Variants in NDST3 observed in about 807,000 individuals in gnomAD.
NDST3 encodes the protein N-deacetylase and N-sulfotransferase 3.
Under a neutral mutation model 96.1 loss-of-function variants are expected in NDST3, and 58 were observed. That is an observed-to-expected ratio of 0.60 (90% CI 0.49 to 0.75). The LOEUF (loss-of-function observed/expected upper bound fraction) is 0.75. Among genes scored for constraint, NDST3 ranks in the 30% least tolerant of loss-of-function variants. The pLI is 0.00. For synonymous variants in NDST3, 333 were observed against 359.7 expected, an observed-to-expected ratio of 0.93 and a Z score of 0.84; for missense variants, 788 against 1,034.2, an observed-to-expected ratio of 0.76 and a Z score of 3.27.
intron 6 of NDST3, among the ~76,000 whole-genome samples, chr4:118,219,159 G>A (rs1166469362): frequency 6.6e-6 from 1 of 152,076 alleles, no homozygotes; most frequent in Non-Finnish European, 1.5e-5. Context: ...AACTACTATT[G>A]ACATTCTTCA....
At chr4:118,250,347 T>C (rs373072282) in intron 12 of NDST3, among the ~76,000 whole-genome samples, 1 of 152,374 alleles carries the variant, frequency 6.6e-6, no homozygotes, top group South Asian at 2.1e-4. Context: ...ATTTTTAAAA[T>C]CAGTCATTCT....
intron 4 of NDST3, among the ~76,000 whole-genome samples, chr4:118,136,764 C>G (rs767856478): frequency 6.6e-6 from 1 of 151,804 alleles, no homozygotes; most frequent in Non-Finnish European, 1.5e-5. Context: ...ACAGAGTTTA[C>G]GAGATAAGAA....
Position 118,238,011 on chromosome 4 carries a change from C to T in NDST3, c.2118+791C>T, listed in dbSNP as rs569491489. ...AGGCATGGTGGCACACATATGTGGT[C>T]CCAGCTACTTGGAAGGCTAAAGTGG... On this transcript the variant is annotated intron_variant, in intron 10 of 13. Transcript: ENST00000296499. 9.2e-5 allele frequency among the ~76,000 whole-genome samples: 14 copies of T among 151,764 alleles called. No individual in the cohort carries two copies. In the South Asian group the frequency reaches 2.9e-3, roughly 32 times the overall value.
chr4:118,066,360 G>T (rs1455696994), intron 2 of NDST3, among the ~76,000 whole-genome samples: 2 of 45,048 alleles, frequency 4.4e-5, no homozygotes, highest in African/African-American at 1.4e-4. Flanking sequence ...TATATCATAT[G>T]TTATATATTA....
At position 118,255,932 on chromosome 4, in the gene NDST3, T is replaced by C. The variant is rs767880279; in HGVS notation, c.*220T>C. On this transcript the variant is annotated 3_prime_UTR_variant, in exon 14 of 14. Transcript: ENST00000296499. The stretch of plus-strand genomic sequence containing the variant: ...TTCTCTTAACCCATATCTGAGCCTG[T>C]GGGATTATTGTAGACTACTGTGCAC... 9 of 391,534 alleles carry C rather than the reference T, an allele frequency of 2.3e-5. No homozygotes were observed. Among genetic ancestry groups the C allele is most frequent in the Non-Finnish European group, 4.1e-5 (9 of 221,344 alleles). 24.3% of individuals were successfully genotyped at this position (391,534 alleles called of 1,614,324 possible).
intron 1 of NDST3, among the ~76,000 whole-genome samples, chr4:118,041,251 C>T (rs76798154): frequency 0.016 from 2,452 of 152,186 alleles, 57 homozygotes; most frequent in African/African-American, 0.055. Context: ...TATTTCAGTT[C>T]TACCTCTACT....
rs17049570 is a variant in NDST3, at chr4:118,078,072, G to A, written c.981+23181G>A. On this transcript the variant is annotated intron_variant, in intron 2 of 13. Coordinates refer to ENST00000296499, the MANE Select transcript of NDST3 (RefSeq NM_004784.3). The stretch of plus-strand genomic sequence containing the variant: ...GAGCGGGCATGGAGGAGAGCCAGGG[G>A]ATTTTTTCATTCCCAGTCTTGCACA... Among the ~76,000 whole-genome samples the A allele has an allele frequency of 6.6e-3, 1,011 of 152,274 alleles. 8 individuals carry two copies. Among genetic ancestry groups the A allele is most frequent in the African/African-American group, 0.023 (970 of 41,568 alleles).
chr4:118,158,631 G>A (rs182125781), intron 6 of NDST3, among the ~76,000 whole-genome samples: 1 of 152,230 alleles, frequency 6.6e-6, no homozygotes, highest in Admixed American at 6.5e-5. Flanking sequence ...CAGCCTTAAG[G>A]TTTAATTCCA....
chr4:118,093,951 G>T (rs545944806), intron 2 of NDST3, among the ~76,000 whole-genome samples: 1 of 151,820 alleles, frequency 6.6e-6, no homozygotes, highest in South Asian at 2.1e-4. Context: ...TCCTCCAGAG[G>T]GGACAAACAC....
At chr4:118,175,714 G>C (rs544094232) in intron 6 of NDST3, among the ~76,000 whole-genome samples, 4 of 152,180 alleles carry the variant, frequency 2.6e-5, no homozygotes, top group African/African-American at 9.6e-5. Context: ...TGTGTGGTTT[G>C]CCTCTGCCTG....
At chr4:118,126,509 T>C (rs979172518) in intron 4 of NDST3, among the ~76,000 whole-genome samples, 3 of 61,242 alleles carry the variant, frequency 4.9e-5, no homozygotes, top group African/African-American at 7.1e-5. Context: ...TGTGTGTATG[T>C]ATGTGTATAT....
At chr4:118,111,759 T>G (rs963929949) in intron 3 of NDST3, among the ~76,000 whole-genome samples, 1 of 152,104 alleles carries the variant, frequency 6.6e-6, no homozygotes, top group Non-Finnish European at 1.5e-5. Context: ...TGAACTGAGA[T>G]AAATATGTCA....
At position 118,054,409 on chromosome 4, in the gene NDST3, A is replaced by G; in HGVS notation, c.499A>G (p.Thr167Ala). Residue 167 changes from threonine (T) to alanine (A), a missense_variant, in exon 2 of 14, where the codon ACT (threonine) becomes GCT (alanine). Thr to Ala is a moderately conservative substitution (Grantham distance 58). This residue lies in a region of NDST3 where 234 missense variants were observed against 256.9 expected (regional missense o/e 0.91). Transcript: ENST00000296499. ...YGVGVIGFHKTSEKSVQSFQL... is the reference protein window; with the variant it reads ...YGVGVIGFHKASEKSVQSFQL... ...TGTGGGTGTCATTGGATTCCACAAA[A>G]CTAGTGAGAAGAGTGTACAGAGCTT... 1 of 1,613,104 alleles carries G rather than the reference A, an allele frequency of 6.2e-7. No homozygotes were observed. Among genetic ancestry groups the G allele is most frequent in the Non-Finnish European group, 8.5e-7 (1 of 1,179,428 alleles).
intron 6 of NDST3, among the ~76,000 whole-genome samples, chr4:118,210,487 A>T (rs1005336266): frequency 1.3e-5 from 2 of 152,134 alleles, no homozygotes; most frequent in African/African-American, 2.4e-5. Flanking sequence ...TTTAAAAGGG[A>T]CCCTGCTGGG....
rs1291517301 is a variant in NDST3 at position 118,054,670 on chromosome 4, T to C, written c.760T>C (p.Tyr254His). The part of the protein sequence containing the change: ...LSPSISKGAF[Y>H]ATIIHDLGLH... ...TCCTTCCATCTCTAAAGGTGCTTTT[T>C]ATGCCACTATTATACATGACCTGGG... The change falls in exon 2 of 14, where the codon TAT (tyrosine) becomes CAT (histidine). Residue 254 changes from tyrosine to histidine, a missense_variant. Coordinates refer to ENST00000296499, the MANE Select transcript of NDST3 (RefSeq NM_004784.3). The C allele has an allele frequency of 6.2e-7, 1 of 1,613,350 alleles. No homozygotes were observed. The highest frequency in any genetic ancestry group is 8.5e-7 in the Non-Finnish European group (1 of 1,179,488).
At chr4:118,194,619 T>C (rs1398691362) in intron 6 of NDST3, 1 of 714,562 alleles carries the variant, frequency 1.4e-6, no homozygotes, top group Admixed American at 1.8e-5. Flanking sequence ...ATCATGGGCA[T>C]CTCTGTACCT....
At chr4:118,145,267 T>C (rs1374157950) in intron 6 of NDST3, among the ~76,000 whole-genome samples, 1 of 152,216 alleles carries the variant, frequency 6.6e-6, no homozygotes, top group Admixed American at 6.5e-5. Flanking sequence ...AAAACACTCT[T>C]AAAATGCTAA....
intron 6 of NDST3, among the ~76,000 whole-genome samples, chr4:118,204,533 A>C (rs1738310563): frequency 6.9e-6 from 1 of 144,610 alleles, no homozygotes; most frequent in African/African-American, 2.6e-5. Flanking sequence ...CATGTTTTGA[A>C]CAGTTGGCTG....
intron 2 of NDST3, among the ~76,000 whole-genome samples, chr4:118,070,372 A>ATG (rs1726955438): frequency 6.6e-6 from 1 of 152,090 alleles, no homozygotes; most frequent in African/African-American, 2.4e-5. Context: ...TAACAGCCCC[A>ATG]GTGAATGCAT....
Sources: gnomAD v4.1 joint callset for allele counts (sites outside exome capture counted in the v4.1 genomes callset) on GRCh38, gnomAD v4.1.1 for gene constraint, gnomAD v4.1.1 regional missense constraint, MANE v1.5 for transcripts, NCBI Gene and HGNC (gene_info 2026-07-23, HGNC 2026-07-21) for gene names.